Variants in NCALD observed in about 807,000 individuals in gnomAD.
The protein encoded by NCALD is neurocalcin-delta.
NCALD carries 10 observed loss-of-function variants against 18.6 expected under a neutral mutation model. That is an observed-to-expected ratio of 0.54 (90% CI 0.33 to 0.91). NCALD has a LOEUF of 0.91. Among genes scored for constraint, NCALD ranks in the 40% least tolerant of loss-of-function variants. NCALD has a pLI of 0.03. For synonymous variants in NCALD, 88 were observed against 87.4 expected (o/e 1.01, Z -0.04); for missense variants, 184 against 247.6 (o/e 0.74, Z 1.72).
intron 2 of NCALD, among the ~76,000 whole-genome samples, chr8:101,935,768 G>C (rs1054061595): frequency 6.1e-5 from 9 of 147,810 alleles, no homozygotes; most frequent in African/African-American, 2.0e-4. Flanking sequence ...CTATAGCTTA[G>C]AGGATCAAGA....
chr8:101,727,593 G>A (rs1816629283), intron 1 of NCALD, among the ~76,000 whole-genome samples: 1 of 152,190 alleles, frequency 6.6e-6, no homozygotes, highest in South Asian at 2.1e-4. Context: ...GAATTCTCCT[G>A]CCTCAGCCTC....
chr8:101,887,915 G>A (rs1816731082), intron 3 of NCALD, among the ~76,000 whole-genome samples: 1 of 152,148 alleles, frequency 6.6e-6, no homozygotes, highest in African/African-American at 2.4e-5. Context: ...TCTTGGTACA[G>A]GTATTCTTTG....
chr8:101,881,480 G>A (rs1313319375), intron 4 of NCALD, among the ~76,000 whole-genome samples: 1 of 152,078 alleles, frequency 6.6e-6, no homozygotes, highest in Non-Finnish European at 1.5e-5. Flanking sequence ...GGACACAAGA[G>A]CAGCACTTTT....
At chr8:101,860,723 T>C (rs759550202) in intron 4 of NCALD, among the ~76,000 whole-genome samples, 5 of 152,108 alleles carry the variant, frequency 3.3e-5, no homozygotes, top group Non-Finnish European at 5.9e-5. Flanking sequence ...AGAGAAGGTG[T>C]GCACTGGAGA....
intron 2 of NCALD, among the ~76,000 whole-genome samples, chr8:101,715,562 T>C (rs1275525547): frequency 6.6e-6 from 1 of 152,128 alleles, no homozygotes; most frequent in African/African-American, 2.4e-5. Context: ...AATTTTGCAA[T>C]CTATCCATCT....
chr8:101,990,801 G>T (rs1049276604), intron 2 of NCALD, among the ~76,000 whole-genome samples: 1 of 151,970 alleles, frequency 6.6e-6, no homozygotes. Flanking sequence ...ATTCTCTCAG[G>T]CTCCCACAGC....
rs112704797 is a variant in NCALD at position 101,902,658 on chromosome 8, T to C, written c.-107+13151A>G. 8.9e-3 allele frequency among the ~76,000 whole-genome samples: 1,354 copies of C among 152,344 alleles called. 21 individuals are homozygous for C. The highest frequency in any genetic ancestry group is 0.03 in the African/African-American group (1,267 of 41,574). On this transcript the variant is annotated intron_variant, in intron 3 of 6. Coordinates refer to the NCALD transcript ENST00000311028. ...TGCAGAGCTTTCCTCCTCTGGCCTT[T>C]TCAACGCCAGCCCTACTCATCTTAC...
At chr8:101,803,105 C>CA (rs1466036955) in intron 4 of NCALD, among the ~76,000 whole-genome samples, 2 of 152,094 alleles carry the variant, frequency 1.3e-5, no homozygotes, top group Non-Finnish European at 2.9e-5. Context: ...TGGCTGGCTT[C>CA]AAGGCTTTAA....
Position 101,801,643 on chromosome 8 carries a change from C to CTTTTTTTTTTTTT in NCALD, c.-19-82008_-19-81996dup, listed in dbSNP as rs71268530. 9.1e-5 allele frequency among the ~76,000 whole-genome samples: 4 copies of CTTTTTTTTTTTTT among 44,176 alleles called. 2 individuals are homozygous for CTTTTTTTTTTTTT. Among genetic ancestry groups the CTTTTTTTTTTTTT allele is most frequent in the Non-Finnish European group, 2.2e-4 (4 of 17,866 alleles). The allele number at this position is 44,176 out of a possible 152,430, so 29.0% of individuals were successfully genotyped here. On this transcript the variant is annotated intron_variant, in intron 4 of 6. Transcript: ENST00000311028. ...TCTCTATGATTTACAAGCACACTTA[C>CTTTTTTTTTTTTT]TTTTTTTTTTTTTTTTTTTTTTTTT...
At chr8:102,007,530 T>C (rs1821755081) in intron 2 of NCALD, among the ~76,000 whole-genome samples, 1 of 152,210 alleles carries the variant, frequency 6.6e-6, no homozygotes, top group Non-Finnish European at 1.5e-5. Flanking sequence ...GAAACAATTG[T>C]TTGCTGACGC....
intron 1 of NCALD, among the ~76,000 whole-genome samples, chr8:102,046,929 C>A (rs773599602): frequency 3.3e-5 from 5 of 151,942 alleles, no homozygotes; most frequent in Non-Finnish European, 7.4e-5. Context: ...AGGTGTTAAG[C>A]CCAGTACCCA....
upstream of NCALD, among the ~76,000 whole-genome samples, chr8:101,795,785 G>A (rs1237229543): frequency 1.3e-5 from 2 of 152,164 alleles, no homozygotes; most frequent in Non-Finnish European, 2.9e-5. Context: ...GCTGAAGAGA[G>A]AAAAATTGGA....
intron 2 of NCALD, among the ~76,000 whole-genome samples, chr8:102,016,001 C>T (rs1237955783): frequency 6.6e-6 from 1 of 152,136 alleles, no homozygotes; most frequent in Non-Finnish European, 1.5e-5. Flanking sequence ...AGGCAAGAAA[C>T]TCCATCTACC....
At chr8:101,775,523 T>C (rs1341990047) in intron 1 of NCALD, among the ~76,000 whole-genome samples, 1 of 152,170 alleles carries the variant, frequency 6.6e-6, no homozygotes, top group African/African-American at 2.4e-5. Flanking sequence ...AATCTGCCTC[T>C]TTCAACCACA....
chr8:102,031,233 ACAAGT>A (rs1391332438), intron 1 of NCALD, among the ~76,000 whole-genome samples: 1 of 152,218 alleles, frequency 6.6e-6, no homozygotes, highest in Non-Finnish European at 1.5e-5. Context: ...GAGAAACTCT[ACAAGT>A]CACAAGGCTG....
rs372903829 is a variant in NCALD, at chr8:101,929,228, A to AAGG, written c.-156-13373_-156-13371dup. On this transcript the variant is annotated intron_variant, in intron 2 of 6. Coordinates refer to the NCALD transcript ENST00000311028. Reference sequence around the variant, plus strand: ...GTTCTAGCCCCTAAAGAAGGGGAAGAAGGAGGAGGAGGAGGAGGAGGAGGA... The same window carrying AAGG: ...GTTCTAGCCCCTAAAGAAGGGGAAGAAGGAGGAGGAGGAGGAGGAGGAGGAGGA... 5.0e-3 allele frequency among the ~76,000 whole-genome samples: 542 copies of AAGG among 108,734 alleles called. 2 individuals are homozygous for AAGG. Among genetic ancestry groups the AAGG allele is most frequent in the African/African-American group, 8.0e-3 (189 of 23,742 alleles). 71.3% of individuals were successfully genotyped at this position (108,734 alleles called of 152,430 possible).
intron 1 of NCALD, among the ~76,000 whole-genome samples, chr8:102,037,240 G>C (rs1287075318): frequency 1.3e-5 from 2 of 152,080 alleles, no homozygotes; most frequent in East Asian, 3.9e-4. Flanking sequence ...TACTATTATT[G>C]TCCCTATTTT....
chr8:101,915,134 CA>C (rs984849396), intron 3 of NCALD, among the ~76,000 whole-genome samples: 5 of 151,484 alleles, frequency 3.3e-5, no homozygotes, highest in African/African-American at 9.7e-5. Flanking sequence ...ATTTTATGGA[CA>C]AAAAAAACAA....
chr8:102,046,868 A>G (rs1586975343), intron 1 of NCALD, among the ~76,000 whole-genome samples: 1 of 151,236 alleles, frequency 6.6e-6, no homozygotes, highest in Admixed American at 6.6e-5. Flanking sequence ...TAGTTGTTAC[A>G]TAGGTAAACT....
Sources: gnomAD v4.1 joint callset for allele counts (sites outside exome capture counted in the v4.1 genomes callset) on GRCh38, gnomAD v4.1.1 for gene constraint, MANE v1.5 for transcripts, NCBI Gene and HGNC (gene_info 2026-07-23, HGNC 2026-07-21) for gene names.